The following MCTP2 variants were observed in gnomAD, a reference collection of about 807,000 sequenced individuals.
MCTP2 encodes the protein multiple C2 and transmembrane domain containing 2.
In MCTP2, 132 loss-of-function variants were observed where a neutral mutation model predicts 111.6. The observed-to-expected ratio is 1.18, with a 90% CI of 1.03 to 1.37. MCTP2 has a LOEUF of 1.37. Ranked by LOEUF, MCTP2 falls within the 40% of genes most tolerant of loss-of-function variation. The pLI is 0.00. For synonymous variants in MCTP2, 395 were observed against 387.7 expected (o/e 1.02, Z -0.22); for missense variants, 1,183 against 1,067.9 (o/e 1.11, Z -1.50).
intron 2 of MCTP2, among the ~76,000 whole-genome samples, chr15:94,311,047 T>C (rs2076111391): frequency 8.7e-5 from 13 of 148,788 alleles, no homozygotes; most frequent in Admixed American, 8.7e-4. Flanking sequence ...ATTTTTGAGA[T>C]GGAGTCTCAC....
chr15:94,336,461 C>A (rs76157757), intron 4 of MCTP2, among the ~76,000 whole-genome samples: 3,966 of 152,180 alleles, frequency 0.026, 149 homozygotes, highest in African/African-American at 0.09. Flanking sequence ...CACCATGTAA[C>A]CTCCTGGAGT....
intron 1 of MCTP2, among the ~76,000 whole-genome samples, chr15:94,265,411 C>T (rs1596221290): frequency 6.6e-6 from 1 of 152,250 alleles, no homozygotes; most frequent in East Asian, 1.9e-4. Context: ...ACCTTAAAGC[C>T]AAGGTCTCCA....
chr15:94,315,734 G>A, intron 4 of MCTP2, 97 bp downstream of exon 4: 1 of 858,266 alleles, frequency 1.2e-6, no homozygotes. Context: ...ATCACAGCAT[G>A]GTTTAGGATA....
chr15:94,451,448 C>T (rs1249246436), intron 19 of MCTP2, among the ~76,000 whole-genome samples: 4 of 152,158 alleles, frequency 2.6e-5, no homozygotes, highest in African/African-American at 9.7e-5. Context: ...AGTGATATCC[C>T]TCTTTTTCAA....
In MCTP2 at chr15:94,369,365, T is replaced by G. The variant is rs143428164; in HGVS notation, c.1489-722T>G. Among the ~76,000 whole-genome samples, 109 of 152,302 alleles carry G rather than the reference T, an allele frequency of 7.2e-4. 1 individual carries two copies. The highest frequency in any genetic ancestry group is 9.8e-4 in the Non-Finnish European group (67 of 68,028). ...GGTTTTGAGGCAGTATCTTTTTCAGTAGGTGTGTTCTGGAGGCAGGAGAAG... is the reference window on the plus strand; with the variant it reads ...GGTTTTGAGGCAGTATCTTTTTCAGGAGGTGTGTTCTGGAGGCAGGAGAAG... On this transcript the variant is annotated intron_variant, in intron 11 of 22. Coordinates refer to ENST00000357742, the MANE Select transcript of MCTP2 (RefSeq NM_001385001.1).
rs535386142 is a variant in MCTP2, at chr15:94,375,551, G to GCC, written c.1582+5372_1582+5373insCC. Among the ~76,000 whole-genome samples the GCC allele has an allele frequency of 4.8e-3, 736 of 152,078 alleles. 5 individuals carry two copies. Among genetic ancestry groups the GCC allele is most frequent in the African/African-American group, 0.015 (622 of 41,490 alleles). ...TTTATTTCACCCTTGAGACTTTTTG[G>GCC]CACCCTTTGCCATTAAAAACAAACA... On this transcript the variant is annotated intron_variant, in intron 12 of 22. Transcript: ENST00000357742.
At chr15:94,383,707 T>C (rs759409851) in intron 12 of MCTP2, among the ~76,000 whole-genome samples, 1 of 152,162 alleles carries the variant, frequency 6.6e-6, no homozygotes, top group African/African-American at 2.4e-5. Flanking sequence ...ATGATTCAAT[T>C]ATCTCCCACC....
chr15:94,442,347 C>T (rs2152511840), intron 18 of MCTP2, among the ~76,000 whole-genome samples: 1 of 152,306 alleles, frequency 6.6e-6, no homozygotes. Flanking sequence ...TGAGCTAAAG[C>T]CAGGCACCCT....
rs753237197 is a variant in MCTP2, at chr15:94,399,933, A to G, written c.1903A>G (p.Ile635Val). Residue 635 changes from isoleucine to valine, a missense_variant, in exon 16 of 23, where the codon ATT becomes GTT. Coordinates refer to ENST00000357742, the MANE Select transcript of MCTP2 (RefSeq NM_001385001.1). Reference protein sequence around the residue: ...DLIYNPVKASIRTFTPREKRF... With the variant: ...DLIYNPVKASVRTFTPREKRF... ...ATGTCTTTTCTAGGTGAAAGCAAGTATTAGGACTTTTACTCCCCGGGAAAA... is the reference window on the plus strand; with the variant it reads ...ATGTCTTTTCTAGGTGAAAGCAAGTGTTAGGACTTTTACTCCCCGGGAAAA... The G allele has an allele frequency of 6.2e-6, 10 of 1,613,776 alleles. No homozygotes were observed. The Admixed American group carries it at 1.5e-4, about 24-fold the overall frequency.
chr15:94,281,899 G>A (rs2074507520), intron 1 of MCTP2, among the ~76,000 whole-genome samples: 1 of 151,814 alleles, frequency 6.6e-6, no homozygotes, highest in South Asian at 2.1e-4. Flanking sequence ...TATTTCTACT[G>A]AAAGGCCCAT....
intron 2 of MCTP2, 128 bp downstream of exon 2, chr15:94,298,858 CTCCCTCTCTCT>C: frequency 2.4e-6 from 1 of 410,162 alleles, no homozygotes; most frequent in Non-Finnish European, 4.1e-6. Flanking sequence ...CCCCCTCCCC[CTCCCTCTCTCT>C]CTCCCCCTCC....
At chr15:94,258,445 A>G (rs550334248) in intron 1 of MCTP2, among the ~76,000 whole-genome samples, 1 of 152,236 alleles carries the variant, frequency 6.6e-6, no homozygotes, top group East Asian at 1.9e-4. Flanking sequence ...TGAAAATGCA[A>G]ATTATTTGAA....
chr15:94,387,885 G>A (rs1463615289), intron 14 of MCTP2, among the ~76,000 whole-genome samples: 1 of 152,210 alleles, frequency 6.6e-6, no homozygotes, highest in Non-Finnish European at 1.5e-5. Flanking sequence ...AGAGAGCCAT[G>A]TGGATATCTG....
At chr15:94,431,104 T>G (rs988288884) in intron 17 of MCTP2, among the ~76,000 whole-genome samples, 2 of 152,220 alleles carry the variant, frequency 1.3e-5, no homozygotes, top group African/African-American at 4.8e-5. Context: ...TTTGTTTTTG[T>G]TTACTCTTGT....
At chr15:94,431,292 A>AGG (rs1391641006) in intron 17 of MCTP2, among the ~76,000 whole-genome samples, 1 of 152,234 alleles carries the variant, frequency 6.6e-6, no homozygotes, top group Non-Finnish European at 1.5e-5. Context: ...AATGAGAGAA[A>AGG]GGTATGTTCA....
At chr15:94,396,644 G>T (rs1256885614) in intron 14 of MCTP2, among the ~76,000 whole-genome samples, 1 of 152,040 alleles carries the variant, frequency 6.6e-6, no homozygotes, top group Non-Finnish European at 1.5e-5. Flanking sequence ...CTATTCAAAT[G>T]TGTTCACCTG....
intron 17 of MCTP2, among the ~76,000 whole-genome samples, chr15:94,413,311 T>C (rs887333616): frequency 3.9e-5 from 6 of 152,172 alleles, no homozygotes; most frequent in Non-Finnish European, 1.5e-5. Flanking sequence ...TTGTGTACTT[T>C]TCTGTTTTTA....
chr15:94,469,492 A>G (rs1393140746), intron 20 of MCTP2, among the ~76,000 whole-genome samples: 2 of 152,232 alleles, frequency 1.3e-5, no homozygotes, highest in Non-Finnish European at 2.9e-5. Flanking sequence ...ATTTCAAGAC[A>G]CTGTTAGATT....
chr15:94,231,387 C>A (rs996179653), upstream of MCTP2, among the ~76,000 whole-genome samples: 1 of 152,242 alleles, frequency 6.6e-6, no homozygotes, highest in East Asian at 1.9e-4. Context: ...CCAAGCATAG[C>A]GCCTCCTTGC....
Sources: allele counts gnomAD v4.1 joint callset (sites outside exome capture counted in the v4.1 genomes callset), GRCh38; gene constraint gnomAD v4.1.1; transcripts MANE v1.5; gene names NCBI Gene and HGNC (gene_info 2026-07-23, HGNC 2026-07-21).